DNM3: variants seen among roughly 807,000 people sequenced by gnomAD.
DNM3 encodes the protein dynamin-3.
Under a neutral mutation model 101.6 loss-of-function variants are expected in DNM3, and 47 were observed. The observed-to-expected ratio is 0.46, with a 90% CI of 0.37 to 0.59. The LOEUF (loss-of-function observed/expected upper bound fraction) is 0.59, where lower values mean the gene tolerates loss of function less well. DNM3 is among the 20% of genes least tolerant of loss of function. The pLI is 0.00. For missense variants in DNM3, 849 were observed against 1,085.7 expected (o/e 0.78, Z 3.06); for synonymous variants, 385 against 387.9 (o/e 0.99, Z 0.09).
chr1:172,087,150 C>T (rs183995674), intron 12 of DNM3, among the ~76,000 whole-genome samples: 4 of 152,230 alleles, frequency 2.6e-5, no homozygotes, highest in East Asian at 1.9e-4. Context: ...TTGACACCAC[C>T]GTTAATCACT....
At chr1:171,930,747 C>T (rs1240145889) in intron 2 of DNM3, among the ~76,000 whole-genome samples, 1 of 152,124 alleles carries the variant, frequency 6.6e-6, no homozygotes, top group East Asian at 1.9e-4. Flanking sequence ...TGATTAGTCC[C>T]AGTGCAAGTA....
At chr1:172,353,369 A>G (rs889537516) in intron 17 of DNM3, among the ~76,000 whole-genome samples, 2 of 152,188 alleles carry the variant, frequency 1.3e-5, no homozygotes, top group African/African-American at 2.4e-5. Flanking sequence ...TAATAATGAA[A>G]TTAAGATTTG....
chr1:171,875,365 T>A (rs898735484), intron 1 of DNM3, among the ~76,000 whole-genome samples: 1 of 152,220 alleles, frequency 6.6e-6, no homozygotes, highest in African/African-American at 2.4e-5. Flanking sequence ...TATTACTTTG[T>A]CTGAATTGTT....
chr1:171,979,645 G>A (rs2044637761), intron 2 of DNM3, among the ~76,000 whole-genome samples: 1 of 152,172 alleles, frequency 6.6e-6, no homozygotes, highest in Non-Finnish European at 1.5e-5. Context: ...ATTTCTGTAA[G>A]TGCTGGCCTT....
intron 2 of DNM3, among the ~76,000 whole-genome samples, chr1:171,936,112 T>A (rs1170145036): frequency 6.6e-6 from 1 of 152,022 alleles, no homozygotes; most frequent in Non-Finnish European, 1.5e-5. Context: ...ATCCCAGCAC[T>A]TTGGGAGGCC....
In DNM3 at chr1:172,168,459, A is replaced by G. The variant is rs539396357; in HGVS notation, c.1659+37171A>G. Reference sequence around the variant, plus strand: ...AGTATGCAATTGTTCTATTATCGAGACAATTGCCTGATTGAGAACAGCTCT... The same window carrying G: ...AGTATGCAATTGTTCTATTATCGAGGCAATTGCCTGATTGAGAACAGCTCT... On this transcript the variant is annotated intron_variant, in intron 14 of 20. Coordinates refer to ENST00000627582, the MANE Select transcript of DNM3 (RefSeq NM_015569.5). 2.0e-5 allele frequency among the ~76,000 whole-genome samples: 3 copies of G among 152,082 alleles called. No individual in the cohort carries two copies. The East Asian group carries it at 5.8e-4, about 30-fold the overall frequency.
At chr1:172,227,271 GATATATATATATATATATATAT>G (rs140087796) in intron 14 of DNM3, among the ~76,000 whole-genome samples, 2 of 77,996 alleles carry the variant, frequency 2.6e-5, no homozygotes, top group South Asian at 4.7e-4. Context: ...AGTATTTTGT[GATATATATATATATATATATAT>G]ATATATATAT....
At chr1:171,849,158 A>G (rs140840165) in intron 1 of DNM3, among the ~76,000 whole-genome samples, 2 of 152,314 alleles carry the variant, frequency 1.3e-5, no homozygotes, top group Non-Finnish European at 2.9e-5. Context: ...AAACTTGTTT[A>G]TGGTGCTTAT....
At chr1:172,006,338 A>C (rs1219047145) in intron 4 of DNM3, among the ~76,000 whole-genome samples, 1 of 152,060 alleles carries the variant, frequency 6.6e-6, no homozygotes, top group Non-Finnish European at 1.5e-5. Context: ...ACATATCTGA[A>C]GAAGAAATGG....
rs557326933 is a variant in DNM3, at chr1:172,249,903, CA to C, written c.1660-3669del. 5.1e-3 allele frequency among the ~76,000 whole-genome samples: 776 copies of C among 151,996 alleles called. 4 individuals carry two copies. The highest frequency in any genetic ancestry group is 0.018 in the African/African-American group (730 of 41,494). ...TATCTTTCAGAATGTTAGAGCAAGC[CA>C]GGGAATAATTATAACAAATATCACA... On this transcript the variant is annotated intron_variant, in intron 14 of 20. Coordinates refer to ENST00000627582, the MANE Select transcript of DNM3 (RefSeq NM_015569.5).
intron 1 of DNM3, among the ~76,000 whole-genome samples, chr1:171,906,488 A>G (rs1535301): frequency 0.26 from 39,792 of 151,760 alleles, 5,696 homozygotes; most frequent in Admixed American, 0.34. Flanking sequence ...CCTTCCTTAT[A>G]ATAGTTTCTT....
intron 15 of DNM3, among the ~76,000 whole-genome samples, chr1:172,303,258 A>C (rs2064565526): frequency 6.6e-6 from 1 of 152,198 alleles, no homozygotes; most frequent in Non-Finnish European, 1.5e-5. Context: ...TAGCCAATTC[A>C]ATCAAGTGGA....
At chr1:172,308,363 C>T (rs1326219268) in intron 15 of DNM3, among the ~76,000 whole-genome samples, 4 of 152,116 alleles carry the variant, frequency 2.6e-5, no homozygotes, top group African/African-American at 4.8e-5. Flanking sequence ...GTCATTTAGA[C>T]TCATAAAATA....
chr1:172,204,636 G>A (rs1049179800), intron 14 of DNM3, among the ~76,000 whole-genome samples: 4 of 152,006 alleles, frequency 2.6e-5, no homozygotes, highest in African/African-American at 9.7e-5. Context: ...CAAACTACAC[G>A]TCCTCAGAGT....
At chr1:172,376,235 G>T (rs1461804443) in intron 17 of DNM3, 1 of 151,990 alleles carries the variant, frequency 6.6e-6, no homozygotes, top group Non-Finnish European at 1.5e-5. Flanking sequence ...AAACAAGCTG[G>T]TTTCTACAAT....
intron 17 of DNM3, among the ~76,000 whole-genome samples, chr1:172,354,110 T>TATGAGAGAGAGA (rs2067319609): frequency 1.9e-5 from 1 of 52,512 alleles, no homozygotes; most frequent in Non-Finnish European, 3.7e-5. Flanking sequence ...TGTGTGTGTG[T>TATGAGAGAGAGA]GTGAGAGAGA....
intron 1 of DNM3, among the ~76,000 whole-genome samples, chr1:171,891,610 C>T (rs2037289974): frequency 6.6e-6 from 1 of 152,090 alleles, no homozygotes; most frequent in Non-Finnish European, 1.5e-5. Context: ...GTGACAATTT[C>T]TCAGACTTTA....
chr1:171,912,538 C>A (rs1175537433), intron 1 of DNM3, among the ~76,000 whole-genome samples: 1 of 152,154 alleles, frequency 6.6e-6, no homozygotes, highest in African/African-American at 2.4e-5. Context: ...CTTCCATCTG[C>A]ACAATTACCT....
chr1:172,058,351 G>A (rs1170015195), intron 10 of DNM3, among the ~76,000 whole-genome samples: 1 of 150,948 alleles, frequency 6.6e-6, no homozygotes, highest in Non-Finnish European at 1.5e-5. Flanking sequence ...GGACCTAATA[G>A]ACATCTACAG....
Sources: allele counts gnomAD v4.1 joint callset (sites outside exome capture counted in the v4.1 genomes callset), GRCh38; gene constraint gnomAD v4.1.1; transcripts MANE v1.5; gene names NCBI Gene and HGNC (gene_info 2026-07-23, HGNC 2026-07-21).